SNAP25: variants seen among roughly 807,000 people sequenced by gnomAD.
The protein encoded by SNAP25 is synaptosome associated protein 25, also known as synaptosomal-associated protein 25.
In SNAP25, 3 loss-of-function variants were observed where a neutral mutation model predicts 28.7. The ratio of observed to expected loss-of-function variants is 0.10; its 90% CI spans 0.05 to 0.27. SNAP25 has a LOEUF of 0.27. Among genes scored for constraint, SNAP25 ranks in the 10% least tolerant of loss-of-function variants. The pLI, the probability that SNAP25 is intolerant of heterozygous loss-of-function variation, is 1.00. For synonymous variants in SNAP25, 61 were observed against 88.1 expected (o/e 0.69, Z 1.72); for missense variants, 117 against 278.7 (o/e 0.42, Z 4.13).
At chr20:10,261,663 A>G (rs1158155861) in intron 1 of SNAP25, among the ~76,000 whole-genome samples, 3 of 152,210 alleles carry the variant, frequency 2.0e-5, no homozygotes, top group Non-Finnish European at 4.4e-5. Flanking sequence ...TATAGATATT[A>G]TTACTTAGAA....
intron 2 of SNAP25, among the ~76,000 whole-genome samples, chr20:10,276,206 T>C (rs1325283664): frequency 1.3e-5 from 2 of 152,160 alleles, no homozygotes; most frequent in Admixed American, 6.5e-5. Flanking sequence ...TCTCGGCTAC[T>C]TGGGAGGCTG....
chr20:10,245,836 A>G (rs1311909894), intron 1 of SNAP25, among the ~76,000 whole-genome samples: 3 of 152,258 alleles, frequency 2.0e-5, no homozygotes, highest in African/African-American at 7.2e-5. Flanking sequence ...CCAAGAACAC[A>G]TGTAAATCAT....
chr20:10,222,396 G>T (rs375401853), intron 1 of SNAP25, among the ~76,000 whole-genome samples: 1 of 152,328 alleles, frequency 6.6e-6, no homozygotes, highest in African/African-American at 2.4e-5. Context: ...GATGGCTTTT[G>T]GAGGTTGCAG....
At chr20:10,236,897 G>C (rs1302413210) in intron 1 of SNAP25, among the ~76,000 whole-genome samples, 1 of 151,810 alleles carries the variant, frequency 6.6e-6, no homozygotes, top group African/African-American at 2.4e-5. Context: ...GAGGCCCTGG[G>C]CAGAACTGTC....
intron 1 of SNAP25, among the ~76,000 whole-genome samples, chr20:10,233,046 C>T (rs2062853222): frequency 6.6e-6 from 1 of 152,188 alleles, no homozygotes; most frequent in African/African-American, 2.4e-5. Context: ...ACACTTACAG[C>T]TCAAGGATAC....
intron 1 of SNAP25, chr20:10,231,686 G>C (rs558428657): frequency 6.6e-6 from 1 of 152,106 alleles, no homozygotes; most frequent in Admixed American, 6.5e-5. Flanking sequence ...CCAAAATTTG[G>C]ATGTACAGAT....
chr20:10,286,485 C>T (rs1230987987), intron 4 of SNAP25, among the ~76,000 whole-genome samples: 1 of 151,998 alleles, frequency 6.6e-6, no homozygotes, highest in Non-Finnish European at 1.5e-5. Flanking sequence ...AATGGGGAGC[C>T]CGAGAGCAAA....
At chr20:10,226,793 G>A (rs1261861736) in intron 1 of SNAP25, among the ~76,000 whole-genome samples, 3 of 152,092 alleles carry the variant, frequency 2.0e-5, no homozygotes, top group African/African-American at 7.2e-5. Flanking sequence ...ATGTCTTTGT[G>A]TGAACTTGTC....
At position 10,293,018 on chromosome 20, in the gene SNAP25, C is replaced by A. The variant is rs1299887785; in HGVS notation, c.164-143C>A. 2 of 1,510,170 alleles carry A rather than the reference C, an allele frequency of 1.3e-6. No homozygotes were observed. Among genetic ancestry groups the A allele is most frequent in the Admixed American group, 2.0e-5 (1 of 48,812 alleles). The allele number at this position is 1,510,170 out of a possible 1,614,324, so 93.5% of individuals were successfully genotyped here. A position where few individuals can be genotyped will look rare whatever the true frequency, so the allele number is the denominator to read the frequency against. ...GTAACAAGTAGGTACTGGGTACCAGCTCTAATCTGTGGCGTCCAGTTTTCT... is the reference window on the plus strand; with the variant it reads ...GTAACAAGTAGGTACTGGGTACCAGATCTAATCTGTGGCGTCCAGTTTTCT... On this transcript the variant is annotated intron_variant, in intron 4 of 7. Transcript: ENST00000254976. This position sits in a 1 kb window ranked among gnomAD's most constrained non-coding sequence, Gnocchi z 5.6.
intron 1 of SNAP25, among the ~76,000 whole-genome samples, chr20:10,232,196 A>G (rs890956633): frequency 6.6e-6 from 1 of 152,192 alleles, no homozygotes; most frequent in Non-Finnish European, 1.5e-5. Flanking sequence ...AAACATACAC[A>G]TGCGATTTGT....
At chr20:10,296,539 T>C (rs949568502) in intron 5 of SNAP25, 13 of 219,056 alleles carry the variant, frequency 5.9e-5, no homozygotes, top group Admixed American at 5.8e-4. Flanking sequence ...TTGGCAGTCT[T>C]GTTTTGTGTC....
At chr20:10,276,365 T>C (rs1387416747) in intron 2 of SNAP25, among the ~76,000 whole-genome samples, 2 of 152,220 alleles carry the variant, frequency 1.3e-5, no homozygotes, top group Non-Finnish European at 2.9e-5. Flanking sequence ...AGATCAGGAC[T>C]TGACTTATTG....
intron 3 of SNAP25, among the ~76,000 whole-genome samples, chr20:10,283,869 T>C (rs1036285282): frequency 2.0e-5 from 3 of 152,202 alleles, no homozygotes; most frequent in African/African-American, 7.2e-5. Flanking sequence ...TTTCTAGAAA[T>C]GAGGATTCTT....
chr20:10,274,714 G>A (rs1170740395), intron 1 of SNAP25, among the ~76,000 whole-genome samples: 4 of 152,092 alleles, frequency 2.6e-5, no homozygotes, highest in African/African-American at 9.7e-5. Context: ...GTGGTGGTAG[G>A]CACCTGTAGT....
chr20:10,283,131 T>C (rs1329720867), intron 3 of SNAP25, among the ~76,000 whole-genome samples: 3 of 152,258 alleles, frequency 2.0e-5, no homozygotes, highest in Non-Finnish European at 4.4e-5. Context: ...TCGATAATGA[T>C]GATATTTTTA....
chr20:10,281,910 ACT>A (rs972031072), intron 3 of SNAP25, among the ~76,000 whole-genome samples: 1 of 151,834 alleles, frequency 6.6e-6, no homozygotes, highest in African/African-American at 2.4e-5. Flanking sequence ...GGGAGCAGTT[ACT>A]CTCCCCATTT....
At chr20:10,282,731 G>A (rs2063803406) in intron 3 of SNAP25, among the ~76,000 whole-genome samples, 5 of 152,264 alleles carry the variant, frequency 3.3e-5, no homozygotes, top group Admixed American at 2.0e-4. Context: ...AGTGCTCTCC[G>A]AGATGCCTCT....
chr20:10,230,581 C>T (rs775796133), intron 1 of SNAP25, among the ~76,000 whole-genome samples: 9 of 152,102 alleles, frequency 5.9e-5, no homozygotes, highest in African/African-American at 1.2e-4. Flanking sequence ...AACTCTAGGG[C>T]GAGACCCAGT....
At chr20:10,224,257 C>CTTTTTTTTTTTTGT (rs2062690706) in intron 1 of SNAP25, among the ~76,000 whole-genome samples, 1 of 17,420 alleles carries the variant, frequency 5.7e-5, no homozygotes, top group Non-Finnish European at 9.5e-5. Context: ...ATGTACATGT[C>CTTTTTTTTTTTTGT]TTTTTTTTTT....
Sources: allele counts gnomAD v4.1 joint callset (sites outside exome capture counted in the v4.1 genomes callset), GRCh38; gene constraint gnomAD v4.1.1; non-coding constraint Gnocchi (gnomAD v3.1); transcripts MANE v1.5; gene names NCBI Gene and HGNC (gene_info 2026-07-23, HGNC 2026-07-21).